COBL: variants seen among roughly 807,000 people sequenced by gnomAD.
COBL encodes the protein protein cordon-bleu.
COBL carries 51 observed loss-of-function variants against 98.8 expected under a neutral mutation model. The ratio of observed to expected loss-of-function variants is 0.52; its 90% CI spans 0.41 to 0.65. The LOEUF (loss-of-function observed/expected upper bound fraction) is 0.65, where lower values mean the gene tolerates loss of function less well. Ranked by LOEUF, COBL falls within the 30% of genes least tolerant of loss-of-function variation. The pLI, the probability that COBL is intolerant of heterozygous loss-of-function variation, is 0.00. For missense variants in COBL, 1,617 were observed against 1,617.5 expected (o/e 1.00, Z 0.01); for synonymous variants, 634 against 651.7 (o/e 0.97, Z 0.41).
intron 6 of COBL, among the ~76,000 whole-genome samples, chr7:51,090,537 G>A (rs1009990601): frequency 1.3e-5 from 2 of 152,134 alleles, no homozygotes; most frequent in Non-Finnish European, 2.9e-5. Context: ...TTTATGTCTC[G>A]ACTGACTGGG....
intron 1 of COBL, among the ~76,000 whole-genome samples, chr7:51,309,057 G>T (rs936318091): frequency 1.3e-5 from 2 of 152,134 alleles, no homozygotes; most frequent in Non-Finnish European, 2.9e-5. Flanking sequence ...CCTGGCAAGG[G>T]GCAGAGGAGC....
At chr7:51,052,159 A>G (rs1257928556) in intron 7 of COBL, among the ~76,000 whole-genome samples, 1 of 152,166 alleles carries the variant, frequency 6.6e-6, no homozygotes, top group Non-Finnish European at 1.5e-5. Flanking sequence ...TATTATTATT[A>G]TTCCTATTTT....
intron 6 of COBL, among the ~76,000 whole-genome samples, chr7:51,126,482 C>A (rs926005122): frequency 6.6e-6 from 1 of 152,206 alleles, no homozygotes; most frequent in African/African-American, 2.4e-5. Context: ...TGGCTCCTAG[C>A]CCCACCAAAC....
chr7:51,275,226 T>C (rs1464238688), intron 1 of COBL, among the ~76,000 whole-genome samples: 3 of 152,110 alleles, frequency 2.0e-5, no homozygotes, highest in East Asian at 1.9e-4. Context: ...GAGGGGACAG[T>C]TGCACAGTGT....
intron 5 of COBL, among the ~76,000 whole-genome samples, chr7:51,142,716 G>A (rs1267575889): frequency 1.3e-5 from 2 of 152,152 alleles, no homozygotes; most frequent in African/African-American, 2.4e-5. Context: ...ATAACTGGAA[G>A]ACATGATTGA....
intron 1 of COBL, among the ~76,000 whole-genome samples, chr7:51,283,832 G>C (rs1311912167): frequency 2.0e-5 from 3 of 151,842 alleles, no homozygotes; most frequent in Non-Finnish European, 4.4e-5. Context: ...TTTAGACCCA[G>C]GTGGTTTCAC....
At chr7:51,113,666 G>A (rs956076541) in intron 6 of COBL, among the ~76,000 whole-genome samples, 1 of 152,134 alleles carries the variant, frequency 6.6e-6, no homozygotes, top group Non-Finnish European at 1.5e-5. Flanking sequence ...GTCTGAATGA[G>A]TGCTTTTTAA....
chr7:51,065,790 T>A (rs576777550), intron 7 of COBL, among the ~76,000 whole-genome samples: 1 of 152,234 alleles, frequency 6.6e-6, no homozygotes, highest in Non-Finnish European at 1.5e-5. Flanking sequence ...GAATGTAACA[T>A]TATTAGGATA....
rs1791737834 is a variant in COBL at position 51,064,867 on chromosome 7, C to T, written c.1096+20299G>A. ...AACAAGCCTAAGTGAAACACAGAGG[C>T]TGCCAGGCCTGAGCACAGTCTCCAG... On this transcript the variant is annotated intron_variant, in intron 7 of 12. Coordinates refer to ENST00000265136, the MANE Select transcript of COBL (RefSeq NM_015198.5). 10 of 385,494 alleles carry T rather than the reference C, an allele frequency of 2.6e-5. No homozygotes were observed. The South Asian group carries it at 7.7e-4, about 30-fold the overall frequency. 23.9% of individuals were successfully genotyped at this position (385,494 alleles called of 1,614,324 possible).
intron 2 of COBL, among the ~76,000 whole-genome samples, chr7:51,207,762 C>T (rs1253455102): frequency 6.6e-6 from 1 of 152,252 alleles, no homozygotes; most frequent in Non-Finnish European, 1.5e-5. Flanking sequence ...AGTGCAGTGA[C>T]GTGATCTCAG....
At chr7:51,281,646 T>TAAA (rs71021762) in intron 1 of COBL, among the ~76,000 whole-genome samples, 1 of 144,820 alleles carries the variant, frequency 6.9e-6, no homozygotes, top group Non-Finnish European at 1.5e-5. Context: ...AGTACTGAGA[T>TAAA]AAAAAAAAAA....
chr7:51,097,495 C>T (rs1243047899), intron 6 of COBL, among the ~76,000 whole-genome samples: 4 of 152,012 alleles, frequency 2.6e-5, no homozygotes, highest in South Asian at 2.1e-4. Context: ...AAATTGAAAA[C>T]GGAAGAAGTG....
At chr7:51,045,495 T>C (rs1789602724) in intron 7 of COBL, among the ~76,000 whole-genome samples, 1 of 152,212 alleles carries the variant, frequency 6.6e-6, no homozygotes, top group Non-Finnish European at 1.5e-5. Context: ...TGTGGCAGGC[T>C]GGACTGAGCG....
rs754586195 is a variant in COBL at position 51,025,190 on chromosome 7, G to A, written c.3687C>T (p.Gly1229=). The stretch of plus-strand genomic sequence containing the variant: ...TTGCGTCTGCGGTGTTGCTGAGGGT[G>A]CCCGTGCTGAACCTGGAGGCCGTCC... The part of the protein sequence containing the change: ...APRTASRFST[G]TLSNTADARQ... Residue 1229 remains glycine (G), a synonymous_variant, in exon 12 of 13, where the codon GGC becomes GGT. Transcript: ENST00000265136. The A allele has an allele frequency of 1.9e-6, 3 of 1,553,932 alleles. No homozygotes were observed. The highest frequency in any genetic ancestry group is 5.0e-5 in the East Asian group (2 of 39,744).
chr7:51,060,781 C>T (rs115126065), intron 7 of COBL, among the ~76,000 whole-genome samples: 1 of 152,220 alleles, frequency 6.6e-6, no homozygotes, highest in South Asian at 2.1e-4. Context: ...ATGATTCCAC[C>T]GAACTGGAAG....
chr7:51,162,323 G>A (rs1786902080), intron 5 of COBL, among the ~76,000 whole-genome samples: 1 of 152,148 alleles, frequency 6.6e-6, no homozygotes, highest in Non-Finnish European at 1.5e-5. Context: ...GTGTTTTCTG[G>A]AAAATGTAAA....
chr7:51,098,224 C>CTTTTTTTTTTTTTTT lies in COBL; in HGVS notation c.958-12921_958-12920insAAAAAAAAAAAAAAA, dbSNP rs551768231. ...ACTACCAAAATCCCAATAGCAGTTT[C>CTTTTTTTTTTTTTTT]TTTTTTTTTTTTGGAGAAATAGGAA... On this transcript the variant is annotated intron_variant, in intron 6 of 12. Coordinates refer to ENST00000265136, the MANE Select transcript of COBL (RefSeq NM_015198.5). Among the ~76,000 whole-genome samples, 118 of 100,764 alleles carry CTTTTTTTTTTTTTTT rather than the reference C, an allele frequency of 1.2e-3. 18 individuals carry two copies. The highest frequency in any genetic ancestry group is 3.5e-3 in the African/African-American group (79 of 22,302). 66.1% of individuals were successfully genotyped at this position (100,764 alleles called of 152,430 possible). A position where few individuals can be genotyped will look rare whatever the true frequency, so the allele number is the denominator to read the frequency against.
At chr7:51,253,405 A>G (rs1186740233) in intron 1 of COBL, among the ~76,000 whole-genome samples, 1 of 152,176 alleles carries the variant, frequency 6.6e-6, no homozygotes. Context: ...TGTACTCCAC[A>G]GGCCTTTGAA....
chr7:51,211,254 G>A (rs759750972), intron 2 of COBL, among the ~76,000 whole-genome samples: 4 of 152,190 alleles, frequency 2.6e-5, no homozygotes, highest in Non-Finnish European at 4.4e-5. Context: ...GGGATTGGGC[G>A]TGATTTCCCA....
Sources: allele counts gnomAD v4.1 joint callset (sites outside exome capture counted in the v4.1 genomes callset), GRCh38; gene constraint gnomAD v4.1.1; transcripts MANE v1.5; gene names NCBI Gene and HGNC (gene_info 2026-07-23, HGNC 2026-07-21).